Variants in GTF2F1 observed in about 807,000 individuals in gnomAD.
GTF2F1 encodes the protein general transcription factor IIF subunit 1, also known as general transcription factor IIF 74 kDa subunit.
GTF2F1 carries 39 observed loss-of-function variants against 63.5 expected under a neutral mutation model. The observed-to-expected ratio is 0.61, with a 90% confidence interval of 0.48 to 0.80. The LOEUF (loss-of-function observed/expected upper bound fraction) is 0.80. GTF2F1 is among the 30% of genes least tolerant of loss of function. GTF2F1 has a pLI of 0.00. For synonymous variants in GTF2F1, 287 were observed against 285.3 expected (o/e 1.01, Z -0.06); for missense variants, 657 against 718.3 (o/e 0.91, Z 0.97).
At position 6,380,980 on chromosome 19, in the gene GTF2F1, G is replaced by A. The variant is rs769086537; in HGVS notation, c.1155C>T (p.Ser385=). 1.2e-6 allele frequency: 2 copies of A among 1,606,222 alleles called. No individual in the cohort carries two copies. Among genetic ancestry groups the A allele is most frequent in the Non-Finnish European group, 1.7e-6 (2 of 1,176,556 alleles). Residue 385 remains serine (S), a synonymous_variant, in exon 11 of 13, where the codon AGC becomes AGT. Transcript: ENST00000394456. The surrounding 1 kb of genome is among the most constrained non-coding windows in gnomAD (Gnocchi z 5.3). ...CCTCTGCGCTGGGCGTGCCTGGGCG[G>A]CTGTTGCCCCTTGAGCTCCCTCCCG... is the stretch of plus-strand genomic sequence containing the variant. ...KPSGGSSRGN[S]RPGTPSAEGG... is the part of the protein sequence containing the mutation.
Position 6,387,398 on chromosome 19 carries a change from T to TCCTCCTCGG in GTF2F1, c.479_487dup (p.Ala160_Glu162dup). ...CACCCAGCCCACTCACCTCTCCCAC[T>TCCTCCTCGG]CCTCCTCGGCCTCCTCGGCAGTGAG... On this transcript the variant is annotated inframe_insertion, in exon 5 of 13. Transcript: ENST00000394456. 4 of 1,613,858 alleles carry TCCTCCTCGG rather than the reference T, an allele frequency of 2.5e-6. No homozygotes were observed. The highest frequency in any genetic ancestry group is 2.2e-5 in the East Asian group (1 of 44,856).
chr19:6,392,125 C>G (rs1296849515), intron 2 of GTF2F1, 151 bp from the exon 3 acceptor site: 2 of 676,466 alleles, frequency 3.0e-6, no homozygotes, highest in East Asian at 2.8e-5. Context: ...TCACTCAATT[C>G]AATTGAACCA....
At position 6,383,201 on chromosome 19, in the gene GTF2F1, C is replaced by A; in HGVS notation, c.682+110G>T. 1 of 1,176,620 alleles carries A rather than the reference C, an allele frequency of 8.5e-7. No homozygotes were observed. Among genetic ancestry groups the A allele is most frequent in the Admixed American group, 1.8e-5 (1 of 55,324 alleles). The allele number at this position is 1,176,620 out of a possible 1,614,324, so 72.9% of individuals were successfully genotyped here. ...ACAGGCGTGAGCCACTGTGCCCGGC[C>A]CCACTTGCCTCTCATTCTAGGGCCA... On this transcript the variant is annotated intron_variant, in intron 6 of 12. Coordinates refer to ENST00000394456, the MANE Select transcript of GTF2F1 (RefSeq NM_002096.3). The surrounding 1 kb of genome is among the most constrained non-coding windows in gnomAD (Gnocchi z 4.5).
At chr19:6,385,307 G>A (rs536260813) in intron 5 of GTF2F1, among the ~76,000 whole-genome samples, 2 of 128,454 alleles carry the variant, frequency 1.6e-5, no homozygotes, top group African/African-American at 2.7e-5. Flanking sequence ...AGGCAGAATC[G>A]CTTAAACCCA....
rs1225976301 is a variant in GTF2F1 at position 6,380,347 on chromosome 19, G to A, written c.1488C>T (p.Ile496=). ...SEQTVNVLAQ[I]LKRLNPERKM... ...TGCGCTCGGGGTTGAGTCGCTTGAG[G>A]ATCTGGGCCAACACGTTCACTGTCT... The change falls in exon 13 of 13, where the codon ATC becomes ATT. Residue 496 remains isoleucine (I), a synonymous_variant. Transcript: ENST00000394456. The surrounding 1 kb of genome is among the most constrained non-coding windows in gnomAD (Gnocchi z 5.3). The A allele has an allele frequency of 1.2e-6, 2 of 1,614,148 alleles. No homozygotes were observed. The highest frequency in any genetic ancestry group is 1.7e-5 in the Admixed American group (1 of 60,004).
At chr19:6,387,943 T>C (rs1183455340) in intron 4 of GTF2F1, among the ~76,000 whole-genome samples, 1 of 149,948 alleles carries the variant, frequency 6.7e-6, no homozygotes, top group Non-Finnish European at 1.5e-5. Context: ...CAAATTTTTT[T>C]TTTTGAGATG....
At chr19:6,382,261 C>T (rs368898981) in intron 6 of GTF2F1, among the ~76,000 whole-genome samples, 16 of 152,178 alleles carry the variant, frequency 1.1e-4, no homozygotes, top group South Asian at 2.1e-4. Context: ...CAGGCTGAGG[C>T]GGGAGGATGG....
rs1430930950 is a variant in GTF2F1 at position 6,380,874 on chromosome 19, G to A, written c.1231+30C>T. ...AGGTCAGGAGGCTGTGGCTGTGGCT[G>A]TGGGGAGCGGGGAGGCCACGGGCAC... On this transcript the variant is annotated intron_variant, in intron 11 of 12. Coordinates refer to ENST00000394456, the MANE Select transcript of GTF2F1 (RefSeq NM_002096.3). The surrounding 1 kb of genome is among the most constrained non-coding windows in gnomAD (Gnocchi z 5.3). 1.3e-6 allele frequency: 2 copies of A among 1,530,202 alleles called. No individual in the cohort carries two copies. The highest frequency in any genetic ancestry group is 2.0e-5 in the Admixed American group (1 of 50,650). 94.8% of individuals were successfully genotyped at this position (1,530,202 alleles called of 1,614,324 possible).
chr19:6,381,427 G>A lies in GTF2F1; in HGVS notation c.950C>T (p.Pro317Leu). Residue 317 changes from proline to leucine, a missense_variant, in exon 9 of 13, where the codon CCT becomes CTT. Coordinates refer to ENST00000394456, the MANE Select transcript of GTF2F1 (RefSeq NM_002096.3). This position sits in a 1 kb window ranked among gnomAD's most constrained non-coding sequence, Gnocchi z 4.1. ...SSEESEEEKPPEEDKEEEEEK... is the reference protein window; with the variant it reads ...SSEESEEEKPLEEDKEEEEEK... ...CTCCTCCTCCTCCTTGTCCTCCTCA[G>A]GCGGCTTCTCCTCCTCACTCTCCTC... The A allele has an allele frequency of 1.2e-6, 2 of 1,610,504 alleles. No homozygotes were observed. Among genetic ancestry groups the A allele is most frequent in the Non-Finnish European group, 1.7e-6 (2 of 1,179,820 alleles).
intron 3 of GTF2F1, 21 bp from the exon 4 acceptor site, chr19:6,389,658 G>T: frequency 6.2e-7 from 1 of 1,607,884 alleles, no homozygotes; most frequent in Non-Finnish European, 8.5e-7. Flanking sequence ...AGGAAGCAAA[G>T]CCTCTCAGGG....
intron 2 of GTF2F1, chr19:6,392,534 A>C: frequency 1.8e-6 from 1 of 561,326 alleles, no homozygotes; most frequent in East Asian, 3.4e-5. Context: ...AAAGGCCTGG[A>C]AAGGAAAGAC....
chr19:6,380,924 G>A lies in GTF2F1; in HGVS notation c.1211C>T (p.Ala404Val). ...GGSTSSTLRA[A>V]ASKLEQGKRV... ...CTCACCTTGCTCGAGTTTGCTGGCA[G>A]CCGCCCGCAGGGTGGAGGAGGTGCT... The change falls in exon 11 of 13, where the codon GCT becomes GTT. Residue 404 changes from alanine to valine, a missense_variant. Ala to Val is a moderately conservative substitution (Grantham distance 64). This residue lies in a region of GTF2F1 where 602 missense variants were observed against 625.6 expected (regional missense o/e 0.96). Coordinates refer to ENST00000394456, the MANE Select transcript of GTF2F1 (RefSeq NM_002096.3). The surrounding 1 kb of genome is among the most constrained non-coding windows in gnomAD (Gnocchi z 5.3). The A allele has an allele frequency of 1.3e-6, 2 of 1,569,096 alleles. No homozygotes were observed. Among genetic ancestry groups the A allele is most frequent in the South Asian group, 1.2e-5 (1 of 86,448 alleles).
chr19:6,381,251 C>T lies in GTF2F1; in HGVS notation c.1019-56G>A. 1 of 1,565,980 alleles carries T rather than the reference C, an allele frequency of 6.4e-7. No individual in the cohort carries two copies. Among genetic ancestry groups the T allele is most frequent in the South Asian group, 1.2e-5 (1 of 86,138 alleles). On this transcript the variant is annotated intron_variant, in intron 9 of 12. Transcript: ENST00000394456. The surrounding 1 kb of genome is among the most constrained non-coding windows in gnomAD (Gnocchi z 4.1). ...GAGCAACCCCGGGACCCGGTGCCCA[C>T]TGGTGCCTCCACTGCAGATGAGGGA...
In GTF2F1 at chr19:6,381,885, G is replaced by C. The variant is rs2091953792; in HGVS notation, c.683-35C>G. Reference sequence around the variant, plus strand: ...GAGGAAAGGAAGGAAAGGAGGGAAAGTGAGGAGGAAGGCAGTGGGTATTTA... The same window carrying C: ...GAGGAAAGGAAGGAAAGGAGGGAAACTGAGGAGGAAGGCAGTGGGTATTTA... On this transcript the variant is annotated intron_variant, in intron 6 of 12. Transcript: ENST00000394456. This position sits in a 1 kb window ranked among gnomAD's most constrained non-coding sequence, Gnocchi z 4.1. 1.3e-6 allele frequency: 2 copies of C among 1,554,300 alleles called. No individual in the cohort carries two copies. The highest frequency in any genetic ancestry group is 1.4e-5 in the African/African-American group (1 of 73,706).
intron 5 of GTF2F1, among the ~76,000 whole-genome samples, chr19:6,384,774 G>T (rs1439135517): frequency 6.6e-6 from 1 of 151,776 alleles, no homozygotes; most frequent in Non-Finnish European, 1.5e-5. Flanking sequence ...ATCACCATTT[G>T]TTCTTTTCTT....
At chr19:6,386,784 T>C (rs2091975679) in intron 5 of GTF2F1, 1 of 152,356 alleles carries the variant, frequency 6.6e-6, no homozygotes, top group South Asian at 2.1e-4. Flanking sequence ...ATCGACTCTT[T>C]GAGCATCTGC....
intron 6 of GTF2F1, among the ~76,000 whole-genome samples, chr19:6,382,723 C>T (rs963895490): frequency 1.3e-5 from 2 of 148,934 alleles, no homozygotes; most frequent in Admixed American, 6.8e-5. Flanking sequence ...GTTTGACCCT[C>T]GGAGGTCAAG....
At chr19:6,391,562 CCTA>C (rs1367685239) in intron 3 of GTF2F1, among the ~76,000 whole-genome samples, 1 of 150,004 alleles carries the variant, frequency 6.7e-6, no homozygotes, top group East Asian at 2.0e-4. Flanking sequence ...AAGCGATCCT[CCTA>C]CCTCAGCCTC....
At position 6,383,855 on chromosome 19, in the gene GTF2F1, G is replaced by T; in HGVS notation, c.498-360C>A. Among the ~76,000 whole-genome samples, 1 of 152,076 alleles carries T rather than the reference G, an allele frequency of 6.6e-6. No homozygotes were observed. Among genetic ancestry groups the T allele is most frequent in the East Asian group, 1.9e-4 (1 of 5,180 alleles). On this transcript the variant is annotated intron_variant, in intron 5 of 12. Transcript: ENST00000394456. This position sits in a 1 kb window ranked among gnomAD's most constrained non-coding sequence, Gnocchi z 4.5. Reference sequence around the variant, plus strand: ...TCTGTCGCCCAGACTGGAGTGCAGTGATGTGATCTCGGCTCACTGCAACCT... The same window carrying T: ...TCTGTCGCCCAGACTGGAGTGCAGTTATGTGATCTCGGCTCACTGCAACCT...
Sources: gnomAD v4.1 joint callset for allele counts (sites outside exome capture counted in the v4.1 genomes callset) on GRCh38, gnomAD v4.1.1 for gene constraint, gnomAD v4.1.1 regional missense constraint, Gnocchi (gnomAD v3.1) non-coding constraint, MANE v1.5 for transcripts, NCBI Gene and HGNC (gene_info 2026-07-23, HGNC 2026-07-21) for gene names.